GABRB3: variants seen among roughly 807,000 people sequenced by gnomAD.
GABRB3 encodes gamma-aminobutyric acid type A receptor subunit beta3.
In GABRB3, 14 loss-of-function variants were observed where a neutral mutation model predicts 52.1. The ratio of observed to expected loss-of-function variants is 0.27; its 90% CI spans 0.18 to 0.42. GABRB3 has a LOEUF of 0.42. Among genes scored for constraint, GABRB3 ranks in the 10% least tolerant of loss-of-function variants. The probability of loss-of-function intolerance (pLI) is 1.00; values close to 1 mark genes in which losing one functional copy is unlikely to be tolerated. For synonymous variants in GABRB3, 260 were observed against 232.3 expected, an observed-to-expected ratio of 1.12 and a Z score of -1.08; for missense variants, 307 against 609.1, an observed-to-expected ratio of 0.50 and a Z score of 5.22.
At chr15:26,718,384 T>A (rs1316690591) in intron 3 of GABRB3, among the ~76,000 whole-genome samples, 1 of 152,132 alleles carries the variant, frequency 6.6e-6, no homozygotes, top group African/African-American at 2.4e-5. Context: ...TAATTTTGCA[T>A]TTTTAATAGA....
chr15:26,588,644 T>C (rs908081430), intron 4 of GABRB3, among the ~76,000 whole-genome samples: 11 of 152,196 alleles, frequency 7.2e-5, no homozygotes, highest in Admixed American at 1.3e-4. Context: ...AGCAATAAGG[T>C]TGATAAATTT....
rs926396306 is a variant in GABRB3, at chr15:26,608,751, T to C, written c.461+12563A>G. Among the ~76,000 whole-genome samples the C allele has an allele frequency of 5.3e-5, 8 of 152,158 alleles. 1 individual carries two copies. Among genetic ancestry groups the C allele is most frequent in the Non-Finnish European group, 1.0e-4 (7 of 68,014 alleles). The stretch of plus-strand genomic sequence containing the variant: ...AACACAAATTGAAACTACAATGAGA[T>C]AACATCTAATACCTGTCAGAATGAC... On this transcript the variant is annotated intron_variant, in intron 4 of 8. Coordinates refer to ENST00000311550, the MANE Select transcript of GABRB3 (RefSeq NM_000814.6).
chr15:26,770,616 A>T (rs921595771), intron 3 of GABRB3, among the ~76,000 whole-genome samples: 4 of 152,226 alleles, frequency 2.6e-5, no homozygotes, highest in African/African-American at 9.6e-5. Flanking sequence ...TCACTCCCCG[A>T]ATTATTTTAC....
rs1889128764 is a variant in GABRB3 at position 26,544,020 on chromosome 15, T to A, written c.*3773A>T. ...AATTTAATTCACCTGGGCAGTTCTT[T>A]GCCCCAAGATTCGATGTTACTCTAA... On this transcript the variant is annotated 3_prime_UTR_variant, in exon 9 of 9. Transcript: ENST00000311550. The A allele has an allele frequency of 6.6e-6, 1 of 152,572 alleles. No individual in the cohort carries two copies. The highest frequency in any genetic ancestry group is 6.5e-5 in the Admixed American group (1 of 15,274). 9.5% of individuals were successfully genotyped at this position (152,572 alleles called of 1,614,324 possible). A position where few individuals can be genotyped will look rare whatever the true frequency, so the allele number is the denominator to read the frequency against.
chr15:26,629,192 T>C, intron 3 of GABRB3: 1 of 1,456,750 alleles, frequency 6.9e-7, no homozygotes, highest in South Asian at 1.4e-5. Context: ...ACGGAGGGCT[T>C]TGCGAAGCGG....
rs1232876900 is a variant in GABRB3 at position 26,687,473 on chromosome 15, A to G, written c.241-65939T>C. Among the ~76,000 whole-genome samples, 5 of 152,100 alleles carry G rather than the reference A, an allele frequency of 3.3e-5. No homozygotes were observed. The East Asian group carries it at 9.7e-4, about 29-fold the overall frequency. ...GCGTGACCTGACACATCTCGACATC[A>G]TGCTTCTCTTTCTCTTCCTCTCTTC... On this transcript the variant is annotated intron_variant, in intron 3 of 8. Coordinates refer to ENST00000311550, the MANE Select transcript of GABRB3 (RefSeq NM_000814.6).
intron 3 of GABRB3, among the ~76,000 whole-genome samples, chr15:26,633,677 T>C (rs1892967862): frequency 6.6e-6 from 1 of 152,316 alleles, no homozygotes; most frequent in East Asian, 1.9e-4. Context: ...CAGGAATTCG[T>C]CTGATTGATA....
At chr15:26,685,745 G>A (rs887286158) in intron 3 of GABRB3, among the ~76,000 whole-genome samples, 2 of 151,164 alleles carry the variant, frequency 1.3e-5, no homozygotes, top group African/African-American at 4.9e-5. Flanking sequence ...GGAAAGACCC[G>A]CAAATGTACA....
intron 3 of GABRB3, among the ~76,000 whole-genome samples, chr15:26,715,550 T>C (rs751249155): frequency 1.3e-5 from 2 of 152,212 alleles, no homozygotes; most frequent in Non-Finnish European, 2.9e-5. Flanking sequence ...AGGACATGAC[T>C]TAGCATTTGG....
At chr15:26,676,485 T>C (rs1888073079) in intron 3 of GABRB3, among the ~76,000 whole-genome samples, 2 of 152,190 alleles carry the variant, frequency 1.3e-5, no homozygotes, top group Non-Finnish European at 1.5e-5. Flanking sequence ...GCACTGCACT[T>C]GTGTGTGTAC....
chr15:26,672,049 T>C (rs1251687265), intron 3 of GABRB3, among the ~76,000 whole-genome samples: 2 of 152,232 alleles, frequency 1.3e-5, no homozygotes, highest in Non-Finnish European at 2.9e-5. Context: ...ATCCTTCTTG[T>C]TTTTTCTTAA....
intron 3 of GABRB3, among the ~76,000 whole-genome samples, chr15:26,684,011 A>C (rs2140652705): frequency 7.5e-6 from 1 of 133,078 alleles, no homozygotes; most frequent in South Asian, 2.4e-4. Context: ...AAGGAATGGG[A>C]AAAACCACAG....
At chr15:26,758,041 A>C (rs888760208) in intron 3 of GABRB3, among the ~76,000 whole-genome samples, 1 of 151,222 alleles carries the variant, frequency 6.6e-6, no homozygotes, top group African/African-American at 2.4e-5. Flanking sequence ...TTTTGTTCTG[A>C]TTGTTGTTGT....
intron 4 of GABRB3, among the ~76,000 whole-genome samples, chr15:26,596,695 C>T (rs971910202): frequency 6.6e-6 from 1 of 151,978 alleles, no homozygotes; most frequent in African/African-American, 2.4e-5. Flanking sequence ...TAGGACAAAA[C>T]ACACAAAAAA....
At chr15:26,773,348 G>A (rs1375846392), upstream of GABRB3, among the ~76,000 whole-genome samples, 1 of 150,836 alleles carries the variant, frequency 6.6e-6, no homozygotes, top group Non-Finnish European at 1.5e-5. Flanking sequence ...GCCGGACGCT[G>A]CGAGCGGAGC....
chr15:26,622,535 T>C (rs911914684), intron 3 of GABRB3, among the ~76,000 whole-genome samples: 1 of 152,220 alleles, frequency 6.6e-6, no homozygotes. Context: ...ATCGCTGCCA[T>C]TCTGCAAAAG....
intron 3 of GABRB3, among the ~76,000 whole-genome samples, chr15:26,679,239 T>C (rs1230420405): frequency 2.0e-5 from 3 of 152,218 alleles, no homozygotes; most frequent in Non-Finnish European, 4.4e-5. Flanking sequence ...TGGTACTTGC[T>C]TCTTAGCCCC....
chr15:26,723,571 A>T (rs909740143), intron 3 of GABRB3, among the ~76,000 whole-genome samples: 2 of 152,146 alleles, frequency 1.3e-5, no homozygotes, highest in Non-Finnish European at 2.9e-5. Flanking sequence ...CATGGGTGGG[A>T]AGTGCAGCCT....
chr15:26,590,459 C>T (rs1051898307), intron 4 of GABRB3, among the ~76,000 whole-genome samples: 1 of 152,142 alleles, frequency 6.6e-6, no homozygotes, highest in Non-Finnish European at 1.5e-5. Context: ...CTTCATTCAT[C>T]GTTCCTCTGA....
Sources: gnomAD v4.1 joint callset for allele counts (sites outside exome capture counted in the v4.1 genomes callset) on GRCh38, gnomAD v4.1.1 for gene constraint, MANE v1.5 for transcripts, NCBI Gene and HGNC (gene_info 2026-07-23, HGNC 2026-07-21) for gene names.